The following ANKRD17 variants were observed in gnomAD, a reference collection of about 807,000 sequenced individuals.
The protein encoded by ANKRD17 is ankyrin repeat domain 17.
In ANKRD17, 19 loss-of-function variants were observed where a neutral mutation model predicts 229.7. The observed-to-expected ratio is 0.08, with a 90% CI of 0.06 to 0.12. The LOEUF is 0.12. Ranked by LOEUF, ANKRD17 falls within the 10% of genes least tolerant of loss-of-function variation. The pLI is 1.00. For synonymous variants in ANKRD17, 1,112 were observed against 1,146.1 expected (o/e 0.97, Z 0.60); for missense variants, 2,176 against 3,176.8 (o/e 0.68, Z 7.57).
At chr4:73,158,969 G>C (rs1181878192) in intron 3 of ANKRD17, among the ~76,000 whole-genome samples, 1 of 152,178 alleles carries the variant, frequency 6.6e-6, no homozygotes, top group Non-Finnish European at 1.5e-5. Context: ...CCCAGTTTCA[G>C]GAATCCTGTT....
intron 27 of ANKRD17, among the ~76,000 whole-genome samples, chr4:73,096,799 C>T (rs1169757702): frequency 1.3e-5 from 2 of 152,100 alleles, no homozygotes; most frequent in Non-Finnish European, 2.9e-5. Context: ...ACATCAATAC[C>T]TACTAATTCA....
intron 29 of ANKRD17, among the ~76,000 whole-genome samples, chr4:73,088,197 TAAAC>T (rs1722401602): frequency 6.6e-6 from 1 of 152,110 alleles, no homozygotes; most frequent in East Asian, 1.9e-4. Context: ...TAAGAAAAGT[TAAAC>T]AAAGGAAGAA....
At position 73,258,655 on chromosome 4, in the gene ANKRD17, G is replaced by A. The variant is rs1434035135; in HGVS notation, c.14C>T (p.Thr5Met). The change falls in exon 1 of 34, where the codon ACG becomes ATG. Residue 5 changes from threonine (T) to methionine (M), a missense_variant. Thr to Met is a moderately conservative substitution (Grantham distance 81, BLOSUM62 -1). Around this residue, in one of 18 missense-constraint regions of ANKRD17, gnomAD observed 196 missense variants for 190.0 expected, o/e 1.03. Transcript: ENST00000358602. ...AGCCGTCGCCGCCGCCACCGGAACC[G>A]TCGCCTTCTCCATCCCCAGGGAAAG... MEKA[T>M]VPVAAATAAE... 8.8e-6 allele frequency: 13 copies of A among 1,482,190 alleles called. No individual in the cohort carries two copies. The East Asian group carries it at 1.4e-4, about 16-fold the overall frequency. The allele number at this position is 1,482,190 out of a possible 1,614,324, so 91.8% of individuals were successfully genotyped here.
rs755155647 is a variant in ANKRD17, at chr4:73,142,239, T to C, written c.2229+3A>G. ...TAAAATGCTTTAATTTTTAAAATCTTACCCTATTTAAATCGTGGGATGGGG... is the reference window on the plus strand; with the variant it reads ...TAAAATGCTTTAATTTTTAAAATCTCACCCTATTTAAATCGTGGGATGGGG... On this transcript the variant is annotated splice_donor_region_variant and intron_variant, in intron 13 of 33. Transcript: ENST00000358602. 8 of 1,541,122 alleles carry C rather than the reference T, an allele frequency of 5.2e-6. No homozygotes were observed. Among genetic ancestry groups the C allele is most frequent in the Non-Finnish European group, 6.9e-6 (8 of 1,154,964 alleles).
In ANKRD17 at chr4:73,090,740, A is replaced by C. The variant is rs201399763; in HGVS notation, c.6888T>G (p.Pro2296=). Residue 2296 remains proline (P), a synonymous_variant, in exon 29 of 34, where the codon CCT becomes CCG. Transcript: ENST00000358602. The part of the protein sequence containing the change: ...GKSSYLPNSD[P]LHQSDTSKAP... ...CTTTGGAAGTATCAGACTGATGTAA[A>C]GGATCTGAATTTGGCAAATATGAGG... 1.3e-5 allele frequency: 21 copies of C among 1,614,214 alleles called. No homozygotes were observed. In the East Asian group the frequency reaches 4.7e-4, roughly 36 times the overall value.
chr4:73,246,315 C>T (rs1370904523), intron 1 of ANKRD17, among the ~76,000 whole-genome samples: 1 of 152,178 alleles, frequency 6.6e-6, no homozygotes, highest in Non-Finnish European at 1.5e-5. Flanking sequence ...CCTATTCCTA[C>T]TCACTACTAC....
intron 14 of ANKRD17, 120 bp downstream of exon 14, chr4:73,141,621 G>C: frequency 2.3e-6 from 2 of 885,376 alleles, no homozygotes; most frequent in Non-Finnish European, 3.5e-6. Flanking sequence ...TTTATCATGG[G>C]TTAAAAATTT....
chr4:73,171,220 A>G (rs1420296902), intron 2 of ANKRD17, among the ~76,000 whole-genome samples: 1 of 137,426 alleles, frequency 7.3e-6, no homozygotes, highest in Non-Finnish European at 1.6e-5. Context: ...AGAGAGAGAG[A>G]GACTGAGACT....
chr4:73,149,640 G>A (rs1341402793), intron 7 of ANKRD17, among the ~76,000 whole-genome samples: 1 of 152,144 alleles, frequency 6.6e-6, no homozygotes, highest in Non-Finnish European at 1.5e-5. Flanking sequence ...GCTGAGGAGA[G>A]AGGATTGCTT....
At chr4:73,115,519 G>A (rs977033352) in intron 23 of ANKRD17, among the ~76,000 whole-genome samples, 1 of 151,912 alleles carries the variant, frequency 6.6e-6, no homozygotes, top group Admixed American at 6.6e-5. Flanking sequence ...TGAACTCCTG[G>A]GCTCATGCAA....
At chr4:73,179,507 TATATATATATA>T (rs1735220693) in intron 1 of ANKRD17, among the ~76,000 whole-genome samples, 2 of 83,856 alleles carry the variant, frequency 2.4e-5, no homozygotes, top group Admixed American at 1.4e-4. Context: ...TATATATATA[TATATATATATA>T]TTTTTTTTTT....
At chr4:73,089,039 T>C (rs896461551) in intron 29 of ANKRD17, among the ~76,000 whole-genome samples, 1 of 151,976 alleles carries the variant, frequency 6.6e-6, no homozygotes, top group Non-Finnish European at 1.5e-5. Flanking sequence ...TGTTTATTCT[T>C]TTTAAATTTT....
rs1257476904 is a variant in ANKRD17, at chr4:73,258,631, GCCGTCGCCGCCGCCACCGGAA to G, written c.17_37del (p.Val6_Thr12del). The G allele has an allele frequency of 6.0e-6, 9 of 1,488,112 alleles. No homozygotes were observed. Among genetic ancestry groups the G allele is most frequent in the South Asian group, 3.8e-5 (3 of 79,078 alleles). The allele number at this position is 1,488,112 out of a possible 1,614,324, so 92.2% of individuals were successfully genotyped here. ...CGGGGGGCTCCCTTCTCCTTCTGCA[GCCGTCGCCGCCGCCACCGGAA>G]CCGTCGCCTTCTCCATCCCCAGGGA... is the stretch of plus-strand genomic sequence containing the variant. On this transcript the variant is annotated inframe_deletion, in exon 1 of 34. Coordinates refer to ENST00000358602, the MANE Select transcript of ANKRD17 (RefSeq NM_032217.5).
intron 1 of ANKRD17, among the ~76,000 whole-genome samples, chr4:73,223,989 C>A (rs1742185007): frequency 6.6e-6 from 1 of 152,166 alleles, no homozygotes; most frequent in African/African-American, 2.4e-5. Flanking sequence ...CAGTGGCTCA[C>A]ACCTGTAATC....
intron 2 of ANKRD17, among the ~76,000 whole-genome samples, chr4:73,177,037 C>T (rs1262806269): frequency 2.0e-5 from 3 of 152,160 alleles, no homozygotes; most frequent in Non-Finnish European, 4.4e-5. Flanking sequence ...TGTTCCACCA[C>T]TTTATACATG....
chr4:73,120,320 T>C lies in ANKRD17; in HGVS notation c.3867A>G (p.Leu1289=), dbSNP rs761487808. The C allele has an allele frequency of 6.2e-7, 1 of 1,613,992 alleles. No homozygotes were observed. Among genetic ancestry groups the C allele is most frequent in the South Asian group, 1.1e-5 (1 of 91,072 alleles). The change falls in exon 21 of 34, where the codon CTA becomes CTG. Residue 1289 remains leucine, a synonymous_variant. Transcript: ENST00000358602. ...EHRAKTGLTP[L]MEAASGGYAE... The stretch of plus-strand genomic sequence containing the variant: ...CATATCCACCAGAGGCAGCTTCCAT[T>C]AGTGGTGTGAGACCAGTCTAAGTTT...
chr4:73,118,879 TC>T (rs1726330116), intron 21 of ANKRD17, 29 bp from the exon 22 acceptor site: 82 of 1,376,098 alleles, frequency 6.0e-5, no homozygotes, highest in South Asian at 1.3e-4. Context: ...GATAGCATTG[TC>T]TTTTTTTTTT....
chr4:73,171,962 T>C (rs748023703), intron 2 of ANKRD17, among the ~76,000 whole-genome samples: 4 of 151,970 alleles, frequency 2.6e-5, no homozygotes, highest in Non-Finnish European at 5.9e-5. Flanking sequence ...GTTATTGGCC[T>C]TAAAGAGGAG....
chr4:73,077,638 A>G (rs1184593241), intron 31 of ANKRD17, 105 bp from the exon 32 acceptor site: 7 of 974,596 alleles, frequency 7.2e-6, no homozygotes, highest in Non-Finnish European at 1.0e-5. Flanking sequence ...AATTATTTCA[A>G]TATAATGACC....
Sources: gnomAD v4.1 joint callset for allele counts (sites outside exome capture counted in the v4.1 genomes callset) on GRCh38, gnomAD v4.1.1 for gene constraint, gnomAD v4.1.1 regional missense constraint, MANE v1.5 for transcripts, NCBI Gene and HGNC (gene_info 2026-07-23, HGNC 2026-07-21) for gene names.